The following ARHGEF4 variants were observed in gnomAD, a reference collection of about 807,000 sequenced individuals.
The protein encoded by ARHGEF4 is Rho guanine nucleotide exchange factor 4.
A neutral mutation model predicts 162.0 loss-of-function variants in ARHGEF4; 119 were observed. That is an observed-to-expected ratio of 0.73 (90% confidence interval 0.63 to 0.86). The LOEUF is 0.86. Ranked by LOEUF, ARHGEF4 falls within the 40% of genes least tolerant of loss-of-function variation. ARHGEF4 has a pLI of 0.00. For synonymous variants in ARHGEF4, 1,014 were observed against 979.9 expected (o/e 1.03, Z -0.65); for missense variants, 2,488 against 2,456.0 (o/e 1.01, Z -0.28).
At chr2:130,969,388 G>A (rs958230957) in intron 4 of ARHGEF4, among the ~76,000 whole-genome samples, 8 of 152,038 alleles carry the variant, frequency 5.3e-5, no homozygotes, top group Non-Finnish European at 1.0e-4. Flanking sequence ...ACAAGATCAG[G>A]AGAGCGAGAC....
intron 2 of ARHGEF4, among the ~76,000 whole-genome samples, chr2:130,925,636 C>A (rs1458621312): frequency 6.6e-6 from 1 of 152,190 alleles, no homozygotes; most frequent in Admixed American, 6.5e-5. Flanking sequence ...AAAAGTGACA[C>A]TTGAAAAGTT....
At chr2:130,864,894 A>T (rs749566756) in intron 1 of ARHGEF4, among the ~76,000 whole-genome samples, 2 of 152,230 alleles carry the variant, frequency 1.3e-5, no homozygotes, top group Non-Finnish European at 2.9e-5. Flanking sequence ...TCCTTTTTAA[A>T]CAGCGTGTGA....
intron 1 of ARHGEF4, among the ~76,000 whole-genome samples, chr2:130,884,572 A>G (rs1574156752): frequency 1.3e-5 from 2 of 152,214 alleles, no homozygotes; most frequent in South Asian, 4.1e-4. Flanking sequence ...GGTGGCTGGC[A>G]TGATTTTTAA....
intron 1 of ARHGEF4, among the ~76,000 whole-genome samples, chr2:130,870,617 A>C (rs1378666513): frequency 6.6e-6 from 1 of 152,196 alleles, no homozygotes; most frequent in Admixed American, 6.5e-5. Context: ...CCAGTTACCA[A>C]CAGTCAGGGA....
At chr2:130,839,150 G>GT (rs1291410868) in intron 1 of ARHGEF4, among the ~76,000 whole-genome samples, 1 of 152,106 alleles carries the variant, frequency 6.6e-6, no homozygotes, top group Non-Finnish European at 1.5e-5. Flanking sequence ...TTCTGGCTGT[G>GT]TGAGTGTGTC....
chr2:130,979,886 T>G (rs745614466), intron 4 of ARHGEF4, among the ~76,000 whole-genome samples: 13 of 152,106 alleles, frequency 8.5e-5, no homozygotes, highest in African/African-American at 1.2e-4. Flanking sequence ...TATAAAATGT[T>G]TACGCTTTGA....
At chr2:130,904,351 C>T (rs1680686081) in intron 1 of ARHGEF4, among the ~76,000 whole-genome samples, 1 of 152,058 alleles carries the variant, frequency 6.6e-6, no homozygotes, top group South Asian at 2.1e-4. Flanking sequence ...TATTATGGGC[C>T]TTGGGACCTT....
intron 1 of ARHGEF4, among the ~76,000 whole-genome samples, chr2:130,874,628 G>T (rs1678706481): frequency 6.6e-6 from 1 of 152,150 alleles, no homozygotes; most frequent in Non-Finnish European, 1.5e-5. Flanking sequence ...ATAATACAGA[G>T]ATCTATCATG....
Position 130,940,645 on chromosome 2 carries a change from G to A in ARHGEF4, c.3859-5864G>A, listed in dbSNP as rs1441793564. Among the ~76,000 whole-genome samples, 7 of 150,174 alleles carry A rather than the reference G, an allele frequency of 4.7e-5. No homozygotes were observed. In the South Asian group the frequency reaches 8.5e-4, roughly 18 times the overall value. On this transcript the variant is annotated intron_variant, in intron 3 of 13. Coordinates refer to ENST00000409359, the MANE Select transcript of ARHGEF4 (RefSeq NM_001367493.1). Reference sequence around the variant, plus strand: ...CACGAGGTCAGGAGATCGAGACCACGGTGAAACCCCGTCTCTACTAAAAAT... The same window carrying A: ...CACGAGGTCAGGAGATCGAGACCACAGTGAAACCCCGTCTCTACTAAAAAT...
intron 1 of ARHGEF4, among the ~76,000 whole-genome samples, chr2:130,839,150 G>A (rs575172511): frequency 6.6e-6 from 1 of 152,224 alleles, no homozygotes; most frequent in East Asian, 1.9e-4. Flanking sequence ...TTCTGGCTGT[G>A]TGAGTGTGTC....
intron 4 of ARHGEF4, among the ~76,000 whole-genome samples, chr2:130,979,668 G>A (rs1259188922): frequency 6.7e-6 from 1 of 149,504 alleles, no homozygotes; most frequent in African/African-American, 2.5e-5. Flanking sequence ...CCCAGGAGGT[G>A]GAGGTTGCAG....
At chr2:130,895,421 C>T (rs1219472956) in intron 1 of ARHGEF4, among the ~76,000 whole-genome samples, 1 of 152,194 alleles carries the variant, frequency 6.6e-6, no homozygotes, top group African/African-American at 2.4e-5. Context: ...ATAGGTTTCA[C>T]TTTTTTGGGT....
At chr2:130,973,809 C>T (rs1384044735) in intron 4 of ARHGEF4, among the ~76,000 whole-genome samples, 1 of 152,152 alleles carries the variant, frequency 6.6e-6, no homozygotes, top group African/African-American at 2.4e-5. Flanking sequence ...CTTGTTTTGT[C>T]TGCAAGGTGA....
At chr2:130,881,638 G>A (rs1039987774) in intron 1 of ARHGEF4, among the ~76,000 whole-genome samples, 15 of 152,090 alleles carry the variant, frequency 9.9e-5, no homozygotes, top group South Asian at 6.2e-4. Flanking sequence ...GCCATCCTCC[G>A]CAGACGTACA....
intron 4 of ARHGEF4, among the ~76,000 whole-genome samples, chr2:130,966,020 G>A (rs1684977073): frequency 6.6e-6 from 1 of 152,136 alleles, no homozygotes; most frequent in Non-Finnish European, 1.5e-5. Context: ...ACCCAGAAAC[G>A]AATGTTGTGC....
At chr2:130,999,059 T>A (rs1231147960) in intron 4 of ARHGEF4, among the ~76,000 whole-genome samples, 1 of 152,224 alleles carries the variant, frequency 6.6e-6, no homozygotes, top group East Asian at 1.9e-4. Flanking sequence ...AATTCCCTAA[T>A]GACATACCTG....
At chr2:130,960,566 G>A (rs1311947160) in intron 4 of ARHGEF4, among the ~76,000 whole-genome samples, 1 of 152,122 alleles carries the variant, frequency 6.6e-6, no homozygotes, top group Non-Finnish European at 1.5e-5. Flanking sequence ...TCCTTGTTCA[G>A]CAACTCATGA....
intron 1 of ARHGEF4, among the ~76,000 whole-genome samples, chr2:130,872,807 A>G (rs1309952401): frequency 6.6e-6 from 1 of 152,094 alleles, no homozygotes; most frequent in Non-Finnish European, 1.5e-5. Context: ...GAGCAGCAGC[A>G]CCTCACGGGG....
At chr2:130,994,397 A>AATTAAATC (rs1231575997) in intron 4 of ARHGEF4, among the ~76,000 whole-genome samples, 1 of 152,188 alleles carries the variant, frequency 6.6e-6, no homozygotes, top group Non-Finnish European at 1.5e-5. Flanking sequence ...TTATCTTAGA[A>AATTAAATC]ATTAAATCAT....
Sources: allele counts gnomAD v4.1 joint callset (sites outside exome capture counted in the v4.1 genomes callset), GRCh38; gene constraint gnomAD v4.1.1; transcripts MANE v1.5; gene names NCBI Gene and HGNC (gene_info 2026-07-23, HGNC 2026-07-21).